The following UNC13D variants were observed in gnomAD, a reference collection of about 807,000 sequenced individuals.
UNC13D encodes the protein protein unc-13 homolog D.
A neutral mutation model predicts 151.7 loss-of-function variants in UNC13D; 115 were observed. That is an observed-to-expected ratio of 0.76 (90% CI 0.65 to 0.88). The LOEUF is 0.88. Ranked by LOEUF, UNC13D falls within the 40% of genes least tolerant of loss-of-function variation. The pLI is 0.00. For synonymous variants in UNC13D, 588 were observed against 612.2 expected, an observed-to-expected ratio of 0.96 and a Z score of 0.58; for missense variants, 1,369 against 1,438.7, an observed-to-expected ratio of 0.95 and a Z score of 0.78.
chr17:75,842,408 T>C (rs2064955273), intron 6 of UNC13D, 25 bp downstream of exon 6: 12 of 1,600,796 alleles, frequency 7.5e-6, no homozygotes, highest in Non-Finnish European at 1.0e-5. Context: ...CTGGATAGAG[T>C]GGGGGCTGGA....
rs1436776604 is a variant in UNC13D at position 75,835,412 on chromosome 17, A to T, written c.1845T>A (p.Asp615Glu). 6.2e-7 allele frequency: 1 copy of T among 1,611,542 alleles called. No homozygotes were observed. The highest frequency in any genetic ancestry group is 8.5e-7 in the Non-Finnish European group (1 of 1,179,602). ...CCTGCCCTGGCCACGCCCCCACCTC[A>T]TCCATCTGCACAGCGCGCTGCACCC... is the stretch of plus-strand genomic sequence containing the variant. The part of the protein sequence containing the change: ...LARVQRAVQM[D>E]ELVPLGELTK... Residue 615 changes from aspartate to glutamate, a missense_variant, in exon 20 of 32, where the codon GAT (aspartate) becomes GAA (glutamate). Physicochemically the swap from Asp to Glu is conservative, Grantham distance 45. Coordinates refer to ENST00000207549, the MANE Select transcript of UNC13D (RefSeq NM_199242.3).
In UNC13D at chr17:75,827,238, A is replaced by C. The variant is rs529391001; in HGVS notation, c.*727T>G. The C allele has an allele frequency of 2.6e-6, 1 of 391,620 alleles. No individual in the cohort carries two copies. Among genetic ancestry groups the C allele is most frequent in the South Asian group, 8.6e-5 (1 of 11,674 alleles). The allele number at this position is 391,620 out of a possible 1,614,324, so 24.3% of individuals were successfully genotyped here. A position where few individuals can be genotyped will look rare whatever the true frequency, so the allele number is the denominator to read the frequency against. On this transcript the variant is annotated 3_prime_UTR_variant, in exon 32 of 32. Coordinates refer to ENST00000207549, the MANE Select transcript of UNC13D (RefSeq NM_199242.3). ...GCCAAAGGCATATTTTAAGAGGACA[A>C]TGGATTTGTTTTTATTAATTTTTTT...
intron 12 of UNC13D, among the ~76,000 whole-genome samples, chr17:75,838,927 C>T (rs1033886064): frequency 6.6e-6 from 1 of 152,130 alleles, no homozygotes; most frequent in Non-Finnish European, 1.5e-5. Context: ...GGTGAAACCC[C>T]ATCTCTACTA....
chr17:75,828,533 C>G (rs926265471), intron 31 of UNC13D, among the ~76,000 whole-genome samples: 1 of 152,248 alleles, frequency 6.6e-6, no homozygotes, highest in Non-Finnish European at 1.5e-5. Context: ...AGGGAAGCGG[C>G]CCCGCCGAGT....
chr17:75,833,021 G>A lies in UNC13D; in HGVS notation c.2392C>T (p.Leu798=), dbSNP rs1440447746. The change falls in exon 25 of 32, where the codon CTG becomes TTG. Residue 798 remains leucine (L), a synonymous_variant. Transcript: ENST00000207549. The surrounding 1 kb of genome is among the most constrained non-coding windows in gnomAD (Gnocchi z 4.0). ...EDAILPLMKF[L]EVELCYMNTN... is the part of the protein sequence containing the mutation. ...TTCATGTAGCAAAGCTCCACCTCCA[G>A]GAACTTCATCAGGGGCAGAATGGCC... 9 of 1,605,702 alleles carry A rather than the reference G, an allele frequency of 5.6e-6. 1 individual carries two copies. In the Middle Eastern group the frequency reaches 1.4e-3, roughly 241 times the overall value.
Position 75,834,674 on chromosome 17 carries a change from C to A in UNC13D, c.2035G>T (p.Ala679Ser), listed in dbSNP as rs1321621237. The change falls in exon 22 of 32, where the codon GCC becomes TCC. Residue 679 changes from alanine (A) to serine (S), a missense_variant. Physicochemically the swap from Ala to Ser is moderately conservative, Grantham distance 99. This residue lies in a region of UNC13D where 807 missense variants were observed against 795.5 expected (regional missense o/e 1.01). Coordinates refer to ENST00000207549, the MANE Select transcript of UNC13D (RefSeq NM_199242.3). ...LALVYCSLIK[A>S]RARELSSGQK... ...CCTGAAGAGAGCTCGCGGGCCCGGG[C>A]CTTTATAAGGCTGCAGTACACCAGG... 4.3e-6 allele frequency: 7 copies of A among 1,613,770 alleles called. No individual in the cohort carries two copies. Among genetic ancestry groups the A allele is most frequent in the Non-Finnish European group, 5.9e-6 (7 of 1,180,028 alleles).
Position 75,836,637 on chromosome 17 carries a change from C to A in UNC13D, c.1233G>T (p.Arg411=). The A allele has an allele frequency of 2.5e-6, 4 of 1,613,836 alleles. No homozygotes were observed. The highest frequency in any genetic ancestry group is 3.4e-6 in the Non-Finnish European group (4 of 1,180,030). Residue 411 remains arginine, a synonymous_variant, in exon 14 of 32, where the codon CGG becomes CGT. Coordinates refer to ENST00000207549, the MANE Select transcript of UNC13D (RefSeq NM_199242.3). The part of the protein sequence containing the change: ...SLLTYGLSLI[R]RFRSVFPLSV... ...AGAGGGGGAAGACAGAGCGGAACCT[C>A]CGGATGAGGGAGAGGCCGTAGGTCA...
chr17:75,841,781 GCT>G (rs1405480184), intron 6 of UNC13D, among the ~76,000 whole-genome samples: 1 of 125,420 alleles, frequency 8.0e-6, no homozygotes, highest in Non-Finnish European at 1.7e-5. Flanking sequence ...ACAGAGTGTC[GCT>G]CTGTCACCAG....
rs781047872 is a variant in UNC13D at position 75,840,287 on chromosome 17, G to A, written c.796C>T (p.Arg266Cys). 34 of 1,613,838 alleles carry A rather than the reference G, an allele frequency of 2.1e-5. No homozygotes were observed. The highest frequency in any genetic ancestry group is 6.7e-5 in the East Asian group (3 of 44,894). The change falls in exon 10 of 32, where the codon CGC becomes TGC. Residue 266 changes from arginine to cysteine, a missense_variant. By Grantham distance (180) the Arg-to-Cys change is radical. This residue lies in a region of UNC13D where 550 missense variants were observed against 609.0 expected (regional missense o/e 0.90). Transcript: ENST00000207549. The surrounding 1 kb of genome is among the most constrained non-coding windows in gnomAD (Gnocchi z 4.6). ...REDQWYPLEP[R>C]TETYPDRGQC... ...CCTCGGTCTGGGTAGGTCTCAGTGC[G>A]GGGTTCCAGGGGGTACCACTGGTCC...
At chr17:75,839,984 G>C in intron 11 of UNC13D, 34 bp downstream of exon 11, 1 of 1,613,440 alleles carries the variant, frequency 6.2e-7, no homozygotes, top group Middle Eastern at 1.7e-4. Flanking sequence ...CTGAAGGGCA[G>C]CCCCGGCTGC....
rs570535638 is a variant in UNC13D, at chr17:75,831,026, C to T, written c.2625+72G>A. The T allele has an allele frequency of 5.0e-5, 78 of 1,569,964 alleles. No homozygotes were observed. In the Admixed American group the frequency reaches 9.8e-4, roughly 20 times the overall value. On this transcript the variant is annotated intron_variant, in intron 27 of 31. Coordinates refer to ENST00000207549, the MANE Select transcript of UNC13D (RefSeq NM_199242.3). The stretch of plus-strand genomic sequence containing the variant: ...GGGCCCCATAAATTATGTAGCCGAC[C>T]CTGGACATAGGTGAGTGCCAAAAGG...
At position 75,842,466 on chromosome 17, in the gene UNC13D, G is replaced by A. The variant is rs779922935; in HGVS notation, c.536C>T (p.Thr179Ile). The change falls in exon 6 of 32, where the codon ACA (threonine) becomes ATA (isoleucine). Residue 179 changes from threonine to isoleucine, a missense_variant. Physicochemically the swap from Thr to Ile is moderately conservative, Grantham distance 89. Coordinates refer to ENST00000207549, the MANE Select transcript of UNC13D (RefSeq NM_199242.3). ...GGTCTCGTCCCAGACGGGGTTGAGT[G>A]TCTGGGTGATGACCTGCGTGCGGTG... The part of the protein sequence containing the change: ...ETHRTQVITQ[T>I]LNPVWDETFI... 6.2e-6 allele frequency: 10 copies of A among 1,613,300 alleles called. No homozygotes were observed. The South Asian group carries it at 8.8e-5, about 14-fold the overall frequency.
In UNC13D at chr17:75,840,536, A is replaced by G; in HGVS notation, c.724T>C (p.Phe242Leu). 1 of 1,614,072 alleles carries G rather than the reference A, an allele frequency of 6.2e-7. No homozygotes were observed. The highest frequency in any genetic ancestry group is 8.5e-7 in the Non-Finnish European group (1 of 1,180,022). Residue 242 changes from phenylalanine to leucine, a missense_variant, in exon 9 of 32, where the codon TTT (phenylalanine) becomes CTT (leucine). By Grantham distance (22) the Phe-to-Leu change is conservative. This residue lies in a region of UNC13D where 550 missense variants were observed against 609.0 expected (regional missense o/e 0.90). Coordinates refer to ENST00000207549, the MANE Select transcript of UNC13D (RefSeq NM_199242.3). This position sits in a 1 kb window ranked among gnomAD's most constrained non-coding sequence, Gnocchi z 4.6. ...EARKDKGQDD[F>L]LGNVVLRLQD... is the part of the protein sequence containing the mutation. ...AGCCTCAGAACCACGTTCCCCAGAA[A>G]GTCGTCCTGGCCTTTGTCCTTCCGG...
At position 75,836,129 on chromosome 17, in the gene UNC13D, C is replaced by G; in HGVS notation, c.1447-20G>C. The G allele has an allele frequency of 6.2e-7, 1 of 1,612,720 alleles. No homozygotes were observed. The highest frequency in any genetic ancestry group is 8.5e-7 in the Non-Finnish European group (1 of 1,179,900). ...GATGCCCTGCAGAGACAGAGGTGGG[C>G]TGGGCAGGGCTGCCAGAGGCAGGCA... On this transcript the variant is annotated intron_variant, in intron 16 of 31. Transcript: ENST00000207549.
At chr17:75,843,463 C>T in intron 2 of UNC13D, 21 bp downstream of exon 2, 16 of 1,601,774 alleles carry the variant, frequency 1.0e-5, no homozygotes, top group Non-Finnish European at 1.4e-5. Context: ...CCTCTCTGCA[C>T]CCCAGCACTC....
rs2064860666 is a variant in UNC13D, at chr17:75,830,161, G to A, written c.2831-10C>T. On this transcript the variant is annotated splice_polypyrimidine_tract_variant and intron_variant, in intron 29 of 31. Transcript: ENST00000207549. ...AAGGGGTCGCTGGAGCCTGGTAAGT[G>A]GCCGGGGAGTGTGCGTCAGCTGAGG... 6.3e-7 allele frequency: 1 copy of A among 1,587,268 alleles called. No individual in the cohort carries two copies. The highest frequency in any genetic ancestry group is 1.8e-5 in the Admixed American group (1 of 56,466).
Position 75,843,274 on chromosome 17 carries a change from A to C in UNC13D, c.154-8T>G. ...CTCGTAGAGCAGGGCCCGCTAAGAC[A>C]CACGGGGTCACCTTGGGGACCCCAC... On this transcript the variant is annotated splice_region_variant and splice_polypyrimidine_tract_variant and intron_variant, in intron 2 of 31. Coordinates refer to ENST00000207549, the MANE Select transcript of UNC13D (RefSeq NM_199242.3). 6.2e-7 allele frequency: 1 copy of C among 1,605,134 alleles called. No individual in the cohort carries two copies. Among genetic ancestry groups the C allele is most frequent in the Non-Finnish European group, 8.5e-7 (1 of 1,179,852 alleles).
chr17:75,843,443 G>A (rs766569040), intron 2 of UNC13D, 41 bp downstream of exon 2: 57 of 1,586,470 alleles, frequency 3.6e-5, no homozygotes, highest in African/African-American at 6.7e-5. Context: ...ACACACAGCC[G>A]CCCTCCCCAC....
Position 75,836,704 on chromosome 17 carries a change from G to A in UNC13D, c.1174-8C>T. 6.2e-6 allele frequency: 10 copies of A among 1,613,530 alleles called. No homozygotes were observed. Among genetic ancestry groups the A allele is most frequent in the Non-Finnish European group, 7.6e-6 (9 of 1,180,038 alleles). On this transcript the variant is annotated splice_region_variant and splice_polypyrimidine_tract_variant and intron_variant, in intron 13 of 31. Coordinates refer to ENST00000207549, the MANE Select transcript of UNC13D (RefSeq NM_199242.3). ...GGCGGCCAGCTCCTCCTGCTGAAGA[G>A]CCAGGAGATGCTTTAGGGGCCTAGA...
Sources: allele counts gnomAD v4.1 joint callset (sites outside exome capture counted in the v4.1 genomes callset), GRCh38; gene constraint gnomAD v4.1.1; regional missense constraint gnomAD v4.1.1; non-coding constraint Gnocchi (gnomAD v3.1); transcripts MANE v1.5; gene names NCBI Gene and HGNC (gene_info 2026-07-23, HGNC 2026-07-21).